Variants in PLCL2 observed in about 807,000 individuals in gnomAD.
PLCL2 encodes the protein inactive phospholipase C-like protein 2.
A neutral mutation model predicts 79.6 loss-of-function variants in PLCL2; 4 were observed. That is an observed-to-expected ratio of 0.05 (90% CI 0.02 to 0.11). The LOEUF (loss-of-function observed/expected upper bound fraction) is 0.11. Ranked by LOEUF, PLCL2 falls within the 10% of genes least tolerant of loss-of-function variation. The probability of loss-of-function intolerance (pLI) is 1.00; values close to 1 mark genes in which losing one functional copy is unlikely to be tolerated. For missense variants in PLCL2, 895 were observed against 1,291.0 expected, an observed-to-expected ratio of 0.69 and a Z score of 4.70; for synonymous variants, 484 against 457.7, an observed-to-expected ratio of 1.06 and a Z score of -0.73.
Position 16,886,954 on chromosome 3 carries a change from T to G in PLCL2, c.327+1588T>G, listed in dbSNP as rs1223971950. On this transcript the variant is annotated intron_variant, in intron 1 of 5. Coordinates refer to ENST00000615277, the MANE Select transcript of PLCL2 (RefSeq NM_001144382.2). The surrounding 1 kb of genome is among the most constrained non-coding windows in gnomAD (Gnocchi z 4.2). ...TTCTTTTAATTGTTTTGAATACTTG[T>G]TTTTGCATTAAAAAATCAAACTTTA... Among the ~76,000 whole-genome samples the G allele has an allele frequency of 3.3e-5, 5 of 152,262 alleles. No individual in the cohort carries two copies. In the East Asian group the frequency reaches 9.6e-4, roughly 29 times the overall value.
chr3:16,996,369 T>C (rs919122659), intron 1 of PLCL2, among the ~76,000 whole-genome samples: 10 of 151,762 alleles, frequency 6.6e-5, no homozygotes, highest in African/African-American at 2.4e-4. Context: ...AGGAAGAGAG[T>C]AGACCACCCT....
intron 5 of PLCL2, among the ~76,000 whole-genome samples, chr3:17,075,828 A>G (rs1314541329): frequency 6.6e-6 from 1 of 152,230 alleles, no homozygotes; most frequent in African/African-American, 2.4e-5. Flanking sequence ...TTTGAGTCAT[A>G]CAAGTTAATG....
At position 16,975,595 on chromosome 3, in the gene PLCL2, T is replaced by C. The variant is rs573488412; in HGVS notation, c.328-34079T>C. 3.5e-4 allele frequency among the ~76,000 whole-genome samples: 54 copies of C among 152,212 alleles called. 1 individual carries two copies. The South Asian group carries it at 0.01, about 29-fold the overall frequency. On this transcript the variant is annotated intron_variant, in intron 1 of 5. Transcript: ENST00000615277. ...TGTTGTTAGGGCTTCTAGGTCATGG[T>C]GATGCTCAGACACAGGCCCATACTG...
In PLCL2 at chr3:17,009,665, T is replaced by G. The variant is rs773327702; in HGVS notation, c.328-9T>G. 6.8e-7 allele frequency: 1 copy of G among 1,463,668 alleles called. No individual in the cohort carries two copies. The highest frequency in any genetic ancestry group is 9.4e-7 in the Non-Finnish European group (1 of 1,069,342). The allele number at this position is 1,463,668 out of a possible 1,614,324, so 90.7% of individuals were successfully genotyped here. On this transcript the variant is annotated splice_polypyrimidine_tract_variant and intron_variant, in intron 1 of 5. Coordinates refer to ENST00000615277, the MANE Select transcript of PLCL2 (RefSeq NM_001144382.2). This position sits in a 1 kb window ranked among gnomAD's most constrained non-coding sequence, Gnocchi z 4.0. ...GTTATTCTAATATACGGTCTTTTTT[T>G]CCTCTCAGGATGGTACAAAACAGAA...
chr3:17,000,190 A>G (rs948976618), intron 1 of PLCL2, among the ~76,000 whole-genome samples: 2 of 152,148 alleles, frequency 1.3e-5, no homozygotes, highest in African/African-American at 4.8e-5. Context: ...AAAAGAGAAT[A>G]ACTTTTCCCA....
intron 1 of PLCL2, among the ~76,000 whole-genome samples, chr3:16,902,596 G>A (rs1696648378): frequency 6.6e-6 from 1 of 152,120 alleles, no homozygotes. Context: ...GGATGCCAAG[G>A]CAGGTAGATC....
intron 4 of PLCL2, among the ~76,000 whole-genome samples, chr3:17,050,793 G>A (rs1260245045): frequency 6.6e-6 from 1 of 152,146 alleles, no homozygotes; most frequent in Admixed American, 6.5e-5. Flanking sequence ...TCCCACTGCT[G>A]CATGTATACC....
chr3:16,968,142 A>G (rs2063824637), intron 1 of PLCL2, among the ~76,000 whole-genome samples: 1 of 152,092 alleles, frequency 6.6e-6, no homozygotes, highest in South Asian at 2.1e-4. Context: ...AGCCAGTACC[A>G]TGCTGTTTTG....
chr3:16,918,488 T>C (rs944626675), intron 1 of PLCL2, among the ~76,000 whole-genome samples: 3 of 152,168 alleles, frequency 2.0e-5, no homozygotes, highest in Non-Finnish European at 4.4e-5. Flanking sequence ...GGGAACCAAA[T>C]AGGAAAATAG....
intron 3 of PLCL2, among the ~76,000 whole-genome samples, chr3:17,025,282 A>G (rs771211281): frequency 7.9e-5 from 12 of 152,148 alleles, no homozygotes; most frequent in Non-Finnish European, 1.8e-4. Flanking sequence ...AATTCAATCT[A>G]TTGCCACCCA....
At chr3:17,074,752 A>T (rs746430977) in intron 5 of PLCL2, among the ~76,000 whole-genome samples, 1 of 152,272 alleles carries the variant, frequency 6.6e-6, no homozygotes, top group East Asian at 1.9e-4. Flanking sequence ...TGTGGTGGAG[A>T]TGGCTTATTT....
intron 1 of PLCL2, among the ~76,000 whole-genome samples, chr3:16,913,232 T>C (rs1207715094): frequency 6.6e-6 from 1 of 152,040 alleles, no homozygotes; most frequent in Non-Finnish European, 1.5e-5. Flanking sequence ...TCACCTCTCT[T>C]GTAGTCTTGT....
intron 1 of PLCL2, among the ~76,000 whole-genome samples, chr3:16,893,832 C>A (rs1274210774): frequency 6.6e-6 from 1 of 152,184 alleles, no homozygotes; most frequent in African/African-American, 2.4e-5. Context: ...ACCCTGAAGA[C>A]TGTTTATAAA....
At chr3:16,894,523 C>T (rs1402259090) in intron 1 of PLCL2, among the ~76,000 whole-genome samples, 1 of 152,170 alleles carries the variant, frequency 6.6e-6, no homozygotes, top group African/African-American at 2.4e-5. Context: ...AGGTGATTTT[C>T]CTAACTGGTC....
intron 3 of PLCL2, among the ~76,000 whole-genome samples, chr3:17,031,404 C>T (rs968149469): frequency 7.2e-5 from 11 of 152,184 alleles, no homozygotes; most frequent in Non-Finnish European, 1.0e-4. Context: ...ATCCCTTCAC[C>T]TACCCACATC....
At chr3:16,948,430 G>GTAC (rs566339527) in intron 1 of PLCL2, among the ~76,000 whole-genome samples, 44 of 152,264 alleles carry the variant, frequency 2.9e-4, no homozygotes, top group Admixed American at 2.6e-3. Flanking sequence ...TGATAAAAAT[G>GTAC]TACTAAAATT....
At chr3:17,078,619 C>T (rs1383982503) in intron 5 of PLCL2, among the ~76,000 whole-genome samples, 1 of 152,188 alleles carries the variant, frequency 6.6e-6, no homozygotes, top group Non-Finnish European at 1.5e-5. Flanking sequence ...ATTAGAGATT[C>T]ATTCTCTTTA....
chr3:16,949,374 A>G (rs540690700), intron 1 of PLCL2, among the ~76,000 whole-genome samples: 9 of 152,190 alleles, frequency 5.9e-5, no homozygotes, highest in Non-Finnish European at 1.2e-4. Context: ...TTGATTTGCA[A>G]TTGCCTTTGC....
chr3:16,989,255 G>A (rs2064080929), intron 1 of PLCL2, among the ~76,000 whole-genome samples: 2 of 152,096 alleles, frequency 1.3e-5, no homozygotes, highest in South Asian at 4.1e-4. Context: ...TGAATATTTG[G>A]TGAGTGCTTT....
Sources: allele counts gnomAD v4.1 joint callset (sites outside exome capture counted in the v4.1 genomes callset), GRCh38; gene constraint gnomAD v4.1.1; non-coding constraint Gnocchi (gnomAD v3.1); transcripts MANE v1.5; gene names NCBI Gene and HGNC (gene_info 2026-07-23, HGNC 2026-07-21).